The following LDLRAD4 variants were observed in gnomAD, a reference collection of about 807,000 sequenced individuals.
The protein encoded by LDLRAD4 is low density lipoprotein receptor class A domain containing 4, also known as low-density lipoprotein receptor class A domain-containing protein 4.
In LDLRAD4, 5 loss-of-function variants were observed where a neutral mutation model predicts 17.0. The observed-to-expected ratio is 0.29, with a 90% CI of 0.15 to 0.62. The LOEUF (loss-of-function observed/expected upper bound fraction) is 0.62. LDLRAD4 is among the 20% of genes least tolerant of loss of function. The pLI, the probability that LDLRAD4 is intolerant of heterozygous loss-of-function variation, is 0.84. For synonymous variants in LDLRAD4, 168 were observed against 171.8 expected, an observed-to-expected ratio of 0.98 and a Z score of 0.17; for missense variants, 340 against 424.7, an observed-to-expected ratio of 0.80 and a Z score of 1.75.
intron 4 of LDLRAD4, among the ~76,000 whole-genome samples, chr18:13,640,789 G>A (rs1477269144): frequency 1.3e-5 from 2 of 152,158 alleles, no homozygotes; most frequent in African/African-American, 4.8e-5. Context: ...TGTGGGATGC[G>A]TTAGAAGACC....
At chr18:13,353,389 A>G (rs748706538) in intron 1 of LDLRAD4, among the ~76,000 whole-genome samples, 14 of 152,250 alleles carry the variant, frequency 9.2e-5, no homozygotes, top group East Asian at 1.9e-4. Flanking sequence ...GCCTGTGTGT[A>G]TGCTTTTCAA....
chr18:13,480,843 G>A (rs1432865616), intron 3 of LDLRAD4, among the ~76,000 whole-genome samples: 1 of 152,228 alleles, frequency 6.6e-6, no homozygotes, highest in Non-Finnish European at 1.5e-5. Context: ...GTAGGAAGTG[G>A]AAGGTCATCC....
Position 13,621,325 on chromosome 18 carries a change from G to A in LDLRAD4, c.336+54G>A. The A allele has an allele frequency of 1.4e-6, 2 of 1,433,692 alleles. No homozygotes were observed. Among genetic ancestry groups the A allele is most frequent in the Non-Finnish European group, 1.9e-6 (2 of 1,026,686 alleles). The allele number at this position is 1,433,692 out of a possible 1,614,324, so 88.8% of individuals were successfully genotyped here. ...AGTCAGGCAGCTGCAAGAGGCTTAG[G>A]AGCCCATCAGGGTTCAGAGGCCGGG... On this transcript the variant is annotated intron_variant, in intron 4 of 5. Coordinates refer to ENST00000359446, the Ensembl canonical transcript of LDLRAD4. This position sits in a 1 kb window ranked among gnomAD's most constrained non-coding sequence, Gnocchi z 5.5.
At chr18:13,532,793 G>A (rs1178271301) in intron 3 of LDLRAD4, among the ~76,000 whole-genome samples, 1 of 152,210 alleles carries the variant, frequency 6.6e-6, no homozygotes, top group African/African-American at 2.4e-5. Context: ...GCCCAGGGTG[G>A]AAGCCTTCTT....
At chr18:13,497,504 T>G (rs1457459030) in intron 3 of LDLRAD4, among the ~76,000 whole-genome samples, 1 of 152,074 alleles carries the variant, frequency 6.6e-6, no homozygotes, top group African/African-American at 2.4e-5. Context: ...TAGTGTTTTT[T>G]TTTTTTCCTT....
intron 3 of LDLRAD4, among the ~76,000 whole-genome samples, chr18:13,498,110 G>C (rs1161011362): frequency 1.6e-4 from 19 of 120,300 alleles, no homozygotes; most frequent in African/African-American, 5.9e-4. Context: ...GAATCCTTCT[G>C]CCCACACAAG....
At chr18:13,559,728 A>G (rs1260723707) in intron 3 of LDLRAD4, among the ~76,000 whole-genome samples, 2 of 152,184 alleles carry the variant, frequency 1.3e-5, no homozygotes, top group Non-Finnish European at 2.9e-5. Flanking sequence ...GAGTCAGAAA[A>G]CTGGGTTCAG....
At chr18:13,462,273 A>G (rs368162048) in intron 3 of LDLRAD4, 1 of 152,308 alleles carries the variant, frequency 6.6e-6, no homozygotes, top group African/African-American at 2.4e-5. Flanking sequence ...CAGGTGTGCA[A>G]CAGTTCTGAC....
At chr18:13,224,640 C>G (rs538864062) in intron 1 of LDLRAD4, among the ~76,000 whole-genome samples, 1 of 151,460 alleles carries the variant, frequency 6.6e-6, no homozygotes, top group African/African-American at 2.4e-5. Context: ...CCACCACGCC[C>G]GGCTAATTTT....
At chr18:13,449,618 C>T (rs1314324018) in intron 3 of LDLRAD4, among the ~76,000 whole-genome samples, 1 of 152,266 alleles carries the variant, frequency 6.6e-6, no homozygotes, top group Non-Finnish European at 1.5e-5. Flanking sequence ...GCCCCTGAGC[C>T]AGGCTGTCTG....
At chr18:13,252,855 C>G (rs780282706) in intron 1 of LDLRAD4, among the ~76,000 whole-genome samples, 1 of 152,236 alleles carries the variant, frequency 6.6e-6, no homozygotes, top group Admixed American at 6.5e-5. Flanking sequence ...AGCAGTGTTG[C>G]GCTGTTCCTA....
At chr18:13,417,434 T>C (rs1041770709) in intron 2 of LDLRAD4, among the ~76,000 whole-genome samples, 1 of 146,598 alleles carries the variant, frequency 6.8e-6, no homozygotes, top group Non-Finnish European at 1.5e-5. Flanking sequence ...TTGCTGTTTT[T>C]CTTTTTTTTT....
chr18:13,640,312 G>GAAAAAAAA (rs1555780823), intron 4 of LDLRAD4, among the ~76,000 whole-genome samples: 2 of 77,470 alleles, frequency 2.6e-5, no homozygotes, highest in African/African-American at 1.1e-4. Flanking sequence ...AAAAAAAAAT[G>GAAAAAAAA]AAATCCGTTC....
rs34431399 is a variant in LDLRAD4 at position 13,443,692 on chromosome 18, TGTCGTC to T, written c.181+5321_181+5326del. Among the ~76,000 whole-genome samples, 9 of 150,492 alleles carry T rather than the reference TGTCGTC, an allele frequency of 6.0e-5. No individual in the cohort carries two copies. The South Asian group carries it at 8.4e-4, about 14-fold the overall frequency. Reference sequence around the variant, plus strand: ...TCTATTTCCCCTCCCTCCCTCTTCCTGTCGTCGTCGTCGTCGTCTCCTCCTCCTCCT... The same window carrying T: ...TCTATTTCCCCTCCCTCCCTCTTCCTGTCGTCGTCGTCTCCTCCTCCTCCT... On this transcript the variant is annotated intron_variant, in intron 3 of 5. Transcript: ENST00000359446.
chr18:13,531,197 C>G (rs2094121634), intron 3 of LDLRAD4, among the ~76,000 whole-genome samples: 1 of 152,186 alleles, frequency 6.6e-6, no homozygotes, highest in Non-Finnish European at 1.5e-5. Context: ...GGCACCAGTT[C>G]CAACTCAAGA....
At chr18:13,284,117 G>C (rs1289476650) in intron 1 of LDLRAD4, among the ~76,000 whole-genome samples, 1 of 152,192 alleles carries the variant, frequency 6.6e-6, no homozygotes, top group Non-Finnish European at 1.5e-5. Flanking sequence ...ACCAAATCAA[G>C]GGTTAAGAGT....
intron 3 of LDLRAD4, among the ~76,000 whole-genome samples, chr18:13,479,180 A>T (rs961564393): frequency 1.3e-5 from 2 of 152,254 alleles, no homozygotes; most frequent in Non-Finnish European, 2.9e-5. Flanking sequence ...CTCCTAGAAG[A>T]TAACATAGGA....
intron 1 of LDLRAD4, among the ~76,000 whole-genome samples, chr18:13,247,952 C>CT (rs1361160581): frequency 6.3e-5 from 1 of 15,940 alleles, no homozygotes; most frequent in East Asian, 3.9e-3. Flanking sequence ...CACAGCGCCG[C>CT]CCCCCGCCTT....
intron 4 of LDLRAD4, among the ~76,000 whole-genome samples, chr18:13,634,882 A>C (rs575614808): frequency 1.3e-5 from 2 of 152,258 alleles, no homozygotes; most frequent in South Asian, 4.1e-4. Context: ...ATATAGACAA[A>C]TATATAGACC....
Sources: allele counts gnomAD v4.1 joint callset (sites outside exome capture counted in the v4.1 genomes callset), GRCh38; gene constraint gnomAD v4.1.1; non-coding constraint Gnocchi (gnomAD v3.1); transcripts MANE v1.5; gene names NCBI Gene and HGNC (gene_info 2026-07-23, HGNC 2026-07-21).